Variants in PTPRT observed in about 807,000 individuals in gnomAD.
PTPRT encodes receptor-type tyrosine-protein phosphatase T.
Under a neutral mutation model 176.8 loss-of-function variants are expected in PTPRT, and 56 were observed. That is an observed-to-expected ratio of 0.32 (90% confidence interval 0.26 to 0.40). The LOEUF (loss-of-function observed/expected upper bound fraction) is 0.40. Ranked by LOEUF, PTPRT falls within the 10% of genes least tolerant of loss-of-function variation. The probability of loss-of-function intolerance (pLI) is 1.00; values close to 1 mark genes in which losing one functional copy is unlikely to be tolerated. For synonymous variants in PTPRT, 783 were observed against 739.0 expected (o/e 1.06, Z -0.96); for missense variants, 1,540 against 1,908.2 (o/e 0.81, Z 3.60).
chr20:42,638,896 A>G (rs982200607), intron 7 of PTPRT, among the ~76,000 whole-genome samples: 22 of 152,182 alleles, frequency 1.4e-4, no homozygotes, highest in African/African-American at 5.3e-4. Flanking sequence ...ATTAATGGAG[A>G]ATTAAAATGG....
At chr20:43,129,502 G>A (rs1352142961) in intron 1 of PTPRT, among the ~76,000 whole-genome samples, 1 of 151,784 alleles carries the variant, frequency 6.6e-6, no homozygotes, top group East Asian at 1.9e-4. Flanking sequence ...AAAAGTGACT[G>A]ATGTGTGATC....
intron 12 of PTPRT, among the ~76,000 whole-genome samples, chr20:42,313,003 G>A (rs2057659398): frequency 6.6e-6 from 1 of 152,010 alleles, no homozygotes; most frequent in South Asian, 2.1e-4. Flanking sequence ...CTCACAGGAT[G>A]AGATAGGAAG....
intron 1 of PTPRT, among the ~76,000 whole-genome samples, chr20:43,039,208 T>C (rs987690846): frequency 2.0e-5 from 3 of 152,318 alleles, no homozygotes; most frequent in African/African-American, 7.2e-5. Flanking sequence ...GTAAACAAGA[T>C]AGCATCACTG....
chr20:42,454,477 TC>T (rs1461042702), intron 8 of PTPRT, among the ~76,000 whole-genome samples: 1 of 152,198 alleles, frequency 6.6e-6, no homozygotes, highest in Non-Finnish European at 1.5e-5. Flanking sequence ...AAGTTCCTAC[TC>T]CTCCGCATCT....
At chr20:42,859,256 T>G (rs1234853205) in intron 2 of PTPRT, among the ~76,000 whole-genome samples, 1 of 152,234 alleles carries the variant, frequency 6.6e-6, no homozygotes, top group Non-Finnish European at 1.5e-5. Context: ...CTTCTCATGT[T>G]ATGAACGGAA....
At chr20:42,551,780 T>G (rs1398492580) in intron 7 of PTPRT, among the ~76,000 whole-genome samples, 1 of 152,172 alleles carries the variant, frequency 6.6e-6, no homozygotes, top group Non-Finnish European at 1.5e-5. Context: ...CTACCTAGGT[T>G]TTCCCAGATA....
At chr20:42,064,925 T>G in the PTPRT span, among the ~76,000 whole-genome samples, 4 of 152,218 alleles carry the variant, frequency 2.6e-5, no homozygotes, top group Non-Finnish European at 5.9e-5. Flanking sequence ...CACCAGGATC[T>G]CTTGGGACAC....
At chr20:42,491,209 T>C (rs1255631670) in intron 7 of PTPRT, among the ~76,000 whole-genome samples, 1 of 152,184 alleles carries the variant, frequency 6.6e-6, no homozygotes, top group Non-Finnish European at 1.5e-5. Flanking sequence ...AATGGGCCTG[T>C]ATTTTCTTTT....
chr20:42,839,099 C>G (rs1027333445), intron 2 of PTPRT, among the ~76,000 whole-genome samples: 9 of 152,242 alleles, frequency 5.9e-5, no homozygotes, highest in African/African-American at 1.9e-4. Flanking sequence ...CAGGAGGGAT[C>G]TGTTGGGCAG....
chr20:42,376,199 AAATAGC>A (rs1332750664), intron 9 of PTPRT, among the ~76,000 whole-genome samples: 1 of 152,212 alleles, frequency 6.6e-6, no homozygotes, highest in Non-Finnish European at 1.5e-5. Flanking sequence ...TGCAGGGGAG[AAATAGC>A]AATCCTATGT....
chr20:42,909,986 T>C (rs529857247), intron 1 of PTPRT, among the ~76,000 whole-genome samples: 1 of 152,328 alleles, frequency 6.6e-6, no homozygotes, highest in Non-Finnish European at 1.5e-5. Context: ...CCTATTCTTT[T>C]CTCCCTAGCA....
intron 1 of PTPRT, among the ~76,000 whole-genome samples, chr20:43,057,860 CTTT>C (rs1217745489): frequency 1.3e-5 from 2 of 152,184 alleles, no homozygotes; most frequent in Non-Finnish European, 2.9e-5. Flanking sequence ...TTTGTTTATT[CTTT>C]GTCTTCCTTC....
intron 1 of PTPRT, among the ~76,000 whole-genome samples, chr20:43,118,345 T>G (rs2013132454): frequency 6.6e-6 from 1 of 152,156 alleles, no homozygotes. Context: ...AAAATTCAGG[T>G]CATTTTTTTG....
At chr20:42,341,537 C>T (rs1406694661) in intron 11 of PTPRT, among the ~76,000 whole-genome samples, 1 of 152,182 alleles carries the variant, frequency 6.6e-6, no homozygotes, top group African/African-American at 2.4e-5. Flanking sequence ...CAGTCCTTCT[C>T]CATCTCCTGT....
At chr20:43,118,118 C>T (rs1203322231) in intron 1 of PTPRT, among the ~76,000 whole-genome samples, 2 of 152,156 alleles carry the variant, frequency 1.3e-5, no homozygotes, top group Admixed American at 6.5e-5. Flanking sequence ...TTCAGCTTGT[C>T]GCTGCAGTGT....
intron 8 of PTPRT, among the ~76,000 whole-genome samples, chr20:42,468,183 T>C (rs1314504367): frequency 3.9e-5 from 6 of 152,180 alleles, no homozygotes; most frequent in Non-Finnish European, 7.3e-5. Context: ...TTCTGCAAAT[T>C]CCCCAGAAGA....
At chr20:42,870,575 C>CCTAGGT in intron 2 of PTPRT, among the ~76,000 whole-genome samples, 1 of 152,238 alleles carries the variant, frequency 6.6e-6, no homozygotes, top group East Asian at 1.9e-4. Flanking sequence ...TGAAGGTGGT[C>CCTAGGT]CTAGGTGGAT....
chr20:42,926,189 G>C (rs944754922), intron 1 of PTPRT, among the ~76,000 whole-genome samples: 2 of 152,162 alleles, frequency 1.3e-5, no homozygotes, highest in Non-Finnish European at 2.9e-5. Context: ...GCACCTGCCT[G>C]AGGGGTCATT....
At position 43,076,092 on chromosome 20, in the gene PTPRT, T is replaced by C. The variant is rs1041729082; in HGVS notation, c.88+113554A>G. 7.7e-4 allele frequency among the ~76,000 whole-genome samples: 117 copies of C among 152,230 alleles called. 2 individuals carry two copies. The highest frequency in any genetic ancestry group is 1.2e-4 in the Non-Finnish European group (8 of 68,048). On this transcript the variant is annotated intron_variant, in intron 1 of 30. Transcript: ENST00000373187. ...TCCCACTACTATAATTAGAAGAAGATAATAATTATTGGTTTGGGATTTTTT... is the reference window on the plus strand; with the variant it reads ...TCCCACTACTATAATTAGAAGAAGACAATAATTATTGGTTTGGGATTTTTT...
Sources: gnomAD v4.1 joint callset for allele counts (sites outside exome capture counted in the v4.1 genomes callset) on GRCh38, gnomAD v4.1.1 for gene constraint, MANE v1.5 for transcripts, NCBI Gene and HGNC (gene_info 2026-07-23, HGNC 2026-07-21) for gene names.